Variants in STPG2 observed in about 807,000 individuals in gnomAD.
STPG2 encodes sperm-tail PG-rich repeat-containing protein 2.
A neutral mutation model predicts 54.2 loss-of-function variants in STPG2; 56 were observed. The ratio of observed to expected loss-of-function variants is 1.03; its 90% CI spans 0.83 to 1.29. The LOEUF is 1.29. Among genes scored for constraint, STPG2 ranks in the 50% most tolerant of loss-of-function variants. The probability of loss-of-function intolerance (pLI) is 0.00; values close to 1 mark genes in which losing one functional copy is unlikely to be tolerated. For synonymous variants in STPG2, 200 were observed against 181.8 expected (o/e 1.10, Z -0.81); for missense variants, 596 against 544.9 (o/e 1.09, Z -0.93).
At chr4:97,913,486 A>T (rs762857163) in intron 8 of STPG2, among the ~76,000 whole-genome samples, 2 of 152,212 alleles carry the variant, frequency 1.3e-5, no homozygotes, top group Non-Finnish European at 2.9e-5. Context: ...TAGGCTATAG[A>T]CATAAATAAC....
At chr4:97,796,605 C>A (rs1017115796) in intron 9 of STPG2, among the ~76,000 whole-genome samples, 6 of 152,096 alleles carry the variant, frequency 3.9e-5, no homozygotes, top group Non-Finnish European at 5.9e-5. Context: ...TTACTGTAGC[C>A]TTGTAGTATA....
rs565105627 is a variant in STPG2 at position 97,521,643 on chromosome 4, T to C, written c.462+191056A>G. ...TTTTGGAAGAACTTTTGAAAAATGA[T>C]TAAGAATCTCATCTTCAACAGAAAT... On this transcript the variant is annotated intron_variant, in intron 4 of 4. Coordinates refer to the STPG2 transcript ENST00000522676. Among the ~76,000 whole-genome samples the C allele has an allele frequency of 2.0e-5, 3 of 152,184 alleles. No homozygotes were observed. In the East Asian group the frequency reaches 5.8e-4, roughly 29 times the overall value.
intron 10 of STPG2, among the ~76,000 whole-genome samples, chr4:97,666,368 A>T (rs1722525487): frequency 6.6e-6 from 1 of 152,214 alleles, no homozygotes; most frequent in Non-Finnish European, 1.5e-5. Context: ...TTCCTAGAAC[A>T]TGCAATGTTA....
At chr4:97,514,645 T>C (rs1412732560) in intron 4 of STPG2, among the ~76,000 whole-genome samples, 1 of 152,154 alleles carries the variant, frequency 6.6e-6, no homozygotes, top group Non-Finnish European at 1.5e-5. Flanking sequence ...TTCAAGGGTA[T>C]AGGCTTTTAC....
chr4:98,116,854 C>G (rs2110151559), intron 3 of STPG2, among the ~76,000 whole-genome samples: 1 of 152,006 alleles, frequency 6.6e-6, no homozygotes, highest in East Asian at 1.9e-4. Flanking sequence ...CAGAATTAAT[C>G]TGGTTCTTCA....
At chr4:97,462,885 T>C (rs983590185) in intron 4 of STPG2, among the ~76,000 whole-genome samples, 8 of 152,088 alleles carry the variant, frequency 5.3e-5, no homozygotes, top group Non-Finnish European at 1.0e-4. Flanking sequence ...TGAATAGCAG[T>C]GGTTATAACT....
chr4:97,820,684 G>C (rs988116465), intron 9 of STPG2, among the ~76,000 whole-genome samples: 3 of 152,188 alleles, frequency 2.0e-5, no homozygotes, highest in African/African-American at 7.2e-5. Context: ...GCATGGCACT[G>C]ACATCTGCTT....
intron 4 of STPG2, among the ~76,000 whole-genome samples, chr4:97,541,122 C>A (rs188672376): frequency 3.8e-4 from 58 of 152,178 alleles, no homozygotes; most frequent in African/African-American, 1.3e-3. Flanking sequence ...CCGGCCAGGG[C>A]AATCAGGCAG....
chr4:97,865,571 A>G (rs1331558767), intron 8 of STPG2, among the ~76,000 whole-genome samples: 1 of 152,122 alleles, frequency 6.6e-6, no homozygotes, highest in Non-Finnish European at 1.5e-5. Context: ...CATTTGACCC[A>G]GCCATCCCAT....
chr4:97,569,574 A>G (rs546380488), intron 10 of STPG2, among the ~76,000 whole-genome samples: 1 of 152,306 alleles, frequency 6.6e-6, no homozygotes, highest in East Asian at 1.9e-4. Flanking sequence ...TGAATATAAC[A>G]GAAATCCATT....
At chr4:97,507,981 C>G (rs113347251) in intron 4 of STPG2, among the ~76,000 whole-genome samples, 1,875 of 152,094 alleles carry the variant, frequency 0.012, 25 homozygotes, top group Non-Finnish European at 0.019. Flanking sequence ...TACTCCCCAG[C>G]CCCAGAGGTC....
chr4:97,934,227 T>C (rs977537719), intron 8 of STPG2, among the ~76,000 whole-genome samples: 1 of 152,232 alleles, frequency 6.6e-6, no homozygotes, highest in Non-Finnish European at 1.5e-5. Context: ...CCTGAGACTT[T>C]GCTGAAGTTC....
chr4:97,483,108 A>G (rs1424887216), intron 4 of STPG2, among the ~76,000 whole-genome samples: 1 of 151,798 alleles, frequency 6.6e-6, no homozygotes, highest in East Asian at 1.9e-4. Context: ...GGACCTCTTT[A>G]AAGCATAAAT....
At position 97,574,630 on chromosome 4, in the gene STPG2, T is replaced by C. The variant is rs115009287; in HGVS notation, c.1321-15513A>G. Among the ~76,000 whole-genome samples the C allele has an allele frequency of 3.3e-3, 499 of 152,012 alleles. 2 individuals carry two copies. Among genetic ancestry groups the C allele is most frequent in the Non-Finnish European group, 5.7e-3 (388 of 67,972 alleles). ...AGAAGAGAGGGATTACATCAGAGAG[T>C]AACCGTCCCAGGTTTTATGGTTTGT... On this transcript the variant is annotated intron_variant, in intron 10 of 10. Transcript: ENST00000295268.
chr4:97,660,026 G>A (rs1482672469), intron 10 of STPG2, among the ~76,000 whole-genome samples: 2 of 147,290 alleles, frequency 1.4e-5, no homozygotes, highest in African/African-American at 5.0e-5. Flanking sequence ...TTTTTGAGAC[G>A]GAGTCTCGCT....
chr4:97,801,328 C>T (rs1727389753), intron 9 of STPG2, among the ~76,000 whole-genome samples: 2 of 152,148 alleles, frequency 1.3e-5, no homozygotes, highest in Admixed American at 6.6e-5. Flanking sequence ...TGGAACCTCC[C>T]CATTTCTACA....
chr4:98,071,655 A>C (rs1230620607), intron 5 of STPG2, among the ~76,000 whole-genome samples: 1 of 152,202 alleles, frequency 6.6e-6, no homozygotes, highest in Non-Finnish European at 1.5e-5. Context: ...AAAATTTTGC[A>C]ATATATCGAT....
chr4:97,833,208 G>T (rs772955064), intron 9 of STPG2, among the ~76,000 whole-genome samples: 1 of 151,968 alleles, frequency 6.6e-6, no homozygotes, highest in Non-Finnish European at 1.5e-5. Context: ...ATAACACCAC[G>T]CATCTACAAC....
At chr4:98,024,386 C>G (rs78769875) in intron 5 of STPG2, among the ~76,000 whole-genome samples, 1 of 152,128 alleles carries the variant, frequency 6.6e-6, no homozygotes, top group East Asian at 1.9e-4. Flanking sequence ...ACTGGAACAC[C>G]TATTATTTAC....
Sources: allele counts gnomAD v4.1 joint callset (sites outside exome capture counted in the v4.1 genomes callset), GRCh38; gene constraint gnomAD v4.1.1; transcripts MANE v1.5; gene names NCBI Gene and HGNC (gene_info 2026-07-23, HGNC 2026-07-21).